The following STX2 variants were observed in gnomAD, a reference collection of about 807,000 sequenced individuals.
STX2 encodes syntaxin 2.
In STX2, 27 loss-of-function variants were observed where a neutral mutation model predicts 40.6. The ratio of observed to expected loss-of-function variants is 0.66; its 90% CI spans 0.49 to 0.92. The LOEUF (loss-of-function observed/expected upper bound fraction) is 0.92. Ranked by LOEUF, STX2 falls within the 40% of genes least tolerant of loss-of-function variation. The pLI is 0.00. For synonymous variants in STX2, 123 were observed against 119.1 expected, an observed-to-expected ratio of 1.03 and a Z score of -0.22; for missense variants, 328 against 366.1, an observed-to-expected ratio of 0.90 and a Z score of 0.85.
At chr12:130,808,565 G>T in intron 5 of STX2, 66 bp downstream of exon 5, 1 of 1,352,598 alleles carries the variant, frequency 7.4e-7, no homozygotes, top group Non-Finnish European at 1.0e-6. Context: ...TTCAGAGTCT[G>T]CAAGAAGAAA....
chr12:130,821,607 GC>G, intron 3 of STX2, 81 bp downstream of exon 3: 1 of 1,137,762 alleles, frequency 8.8e-7, no homozygotes, highest in Non-Finnish European at 1.3e-6. Flanking sequence ...CTCCCGTGAG[GC>G]CAGAGTTGAG....
chr12:130,794,616 C>T (rs538682798), intron 10 of STX2, among the ~76,000 whole-genome samples: 1 of 152,322 alleles, frequency 6.6e-6, no homozygotes, highest in Admixed American at 6.5e-5. Flanking sequence ...CCTGCCTCGG[C>T]CTCTGGCGTA....
intron 3 of STX2, among the ~76,000 whole-genome samples, chr12:130,818,170 C>CAAA (rs756794046): frequency 4.0e-4 from 20 of 49,846 alleles, no homozygotes; most frequent in South Asian, 2.0e-3. Context: ...GCTGTTTCTA[C>CAAA]AAAAAAAAAA....
intron 6 of STX2, among the ~76,000 whole-genome samples, chr12:130,806,618 C>T (rs1018935480): frequency 1.3e-5 from 2 of 152,174 alleles, no homozygotes; most frequent in African/African-American, 4.8e-5. Context: ...GCAATAGGGC[C>T]GCTGCCTCTG....
intron 9 of STX2, among the ~76,000 whole-genome samples, chr12:130,797,116 C>T (rs965439598): frequency 5.3e-5 from 8 of 152,198 alleles, no homozygotes; most frequent in East Asian, 1.9e-4. Context: ...CGCCAGCTAC[C>T]GCACAGACCC....
intron 2 of STX2, among the ~76,000 whole-genome samples, chr12:130,824,166 G>A (rs1022635134): frequency 1.3e-5 from 2 of 152,084 alleles, no homozygotes; most frequent in African/African-American, 2.4e-5. Context: ...AAGGCGGGCA[G>A]ATCACTTGAG....
chr12:130,807,058 G>C lies in STX2; in HGVS notation c.387C>G (p.Ala129=), dbSNP rs572307253. 287 of 1,614,218 alleles carry C rather than the reference G, an allele frequency of 1.8e-4. 6 individuals carry two copies. In the South Asian group the frequency reaches 2.3e-3, roughly 13 times the overall value. The part of the protein sequence containing the change: ...HSVLSRKFVE[A]MAEYNEAQTL... ...TCTGTGCCTCATTGTACTCCGCCAT[G>C]GCTTCCACAAACTTCCGAGACAGCA... Residue 129 remains alanine, a synonymous_variant, in exon 6 of 11, where the codon GCC becomes GCG. Transcript: ENST00000392373.
In STX2 at chr12:130,791,032, T is replaced by A. The variant is rs982513706; in HGVS notation, c.*991A>T. ...TTCCTATTTCACTCAAAAGGCCACA[T>A]TCAGTATATAAAAATGGGGTACATT... On this transcript the variant is annotated 3_prime_UTR_variant, in exon 11 of 11. Transcript: ENST00000392373. 6.6e-6 allele frequency: 1 copy of A among 152,420 alleles called. No homozygotes were observed. The highest frequency in any genetic ancestry group is 1.5e-5 in the Non-Finnish European group (1 of 68,030). The allele number at this position is 152,420 out of a possible 1,614,324, so 9.4% of individuals were successfully genotyped here.
chr12:130,833,297 C>T (rs1032206960), intron 1 of STX2, among the ~76,000 whole-genome samples: 3 of 109,650 alleles, frequency 2.7e-5, no homozygotes, highest in African/African-American at 7.5e-5. Flanking sequence ...AAGCACAAAA[C>T]GGCCACGACA....
At position 130,790,285 on chromosome 12, in the gene STX2, C is replaced by A. The variant is rs1284609790; in HGVS notation, c.*1738G>T. 1 of 152,178 alleles carries A rather than the reference C, an allele frequency of 6.6e-6. No homozygotes were observed. The highest frequency in any genetic ancestry group is 2.4e-5 in the African/African-American group (1 of 41,444). 9.4% of individuals were successfully genotyped at this position (152,178 alleles called of 1,614,324 possible). ...TCGGAATTGTGTTAAGTAAGGGACG[C>A]GGCTTCTGAGCCATTCAATATTCTC... On this transcript the variant is annotated 3_prime_UTR_variant, in exon 11 of 11. Coordinates refer to ENST00000392373, the MANE Select transcript of STX2 (RefSeq NM_194356.4).
chr12:130,818,257 G>A (rs1036017342), intron 3 of STX2, among the ~76,000 whole-genome samples: 7 of 140,704 alleles, frequency 5.0e-5, no homozygotes, highest in Admixed American at 1.4e-4. Flanking sequence ...TGTAATCCCA[G>A]CTACTCGGGA....
intron 4 of STX2, chr12:130,811,995 T>A (rs1170409294): frequency 5.3e-6 from 1 of 188,410 alleles, no homozygotes; most frequent in Non-Finnish European, 1.1e-5. Context: ...GCAGAGCCTA[T>A]TAAATGTGCT....
chr12:130,808,309 CT>C (rs796303992), intron 5 of STX2, among the ~76,000 whole-genome samples: 405 of 152,060 alleles, frequency 2.7e-3, no homozygotes, highest in African/African-American at 9.1e-3. Flanking sequence ...CACTTTTTCT[CT>C]TTTTTTTCCC....
rs557864764 is a variant in STX2, at chr12:130,809,243, G to A, written c.281-539C>T. 2.6e-5 allele frequency among the ~76,000 whole-genome samples: 4 copies of A among 151,648 alleles called. No individual in the cohort carries two copies. The South Asian group carries it at 8.3e-4, about 32-fold the overall frequency. ...ACACATATATACACAGATACACACA[G>A]ATATATATACACACATATATACAAA... On this transcript the variant is annotated intron_variant, in intron 4 of 10. Coordinates refer to ENST00000392373, the MANE Select transcript of STX2 (RefSeq NM_194356.4).
At chr12:130,806,958 A>C in intron 6 of STX2, 24 bp downstream of exon 6, 1 of 1,597,436 alleles carries the variant, frequency 6.3e-7, no homozygotes, top group Non-Finnish European at 8.6e-7. Context: ...TGATTTTAAC[A>C]AAGACGGAGT....
At chr12:130,812,919 C>T in intron 4 of STX2, 38 bp downstream of exon 4, 3 of 1,372,458 alleles carry the variant, frequency 2.2e-6, no homozygotes, top group Non-Finnish European at 3.0e-6. Flanking sequence ...TACCCATACT[C>T]CCAACATCAA....
chr12:130,792,013 T>TGTGGGGGTGCTGGGAGGCCTC, intron 10 of STX2, 36 bp from the exon 11 acceptor site: 1 of 1,425,496 alleles, frequency 7.0e-7, no homozygotes, highest in Non-Finnish European at 9.8e-7. Flanking sequence ...TTGCAATGTA[T>TGTGGGGGTGCTGGGAGGCCTC]CAAAGAAATC....
intron 1 of STX2, among the ~76,000 whole-genome samples, chr12:130,831,866 A>ATTTTTTTT (rs60003050): frequency 1.9e-5 from 2 of 106,626 alleles, no homozygotes; most frequent in African/African-American, 3.2e-5. Context: ...CACTTCTGCA[A>ATTTTTTTT]TTTTTTTTTT....
intron 6 of STX2, 56 bp downstream of exon 6, chr12:130,806,926 G>T: frequency 6.8e-7 from 1 of 1,474,870 alleles, no homozygotes; most frequent in South Asian, 1.1e-5. Context: ...CATTTGAAGT[G>T]AGACCTTAAG....
Sources: gnomAD v4.1 joint callset for allele counts (sites outside exome capture counted in the v4.1 genomes callset) on GRCh38, gnomAD v4.1.1 for gene constraint, MANE v1.5 for transcripts, NCBI Gene and HGNC (gene_info 2026-07-23, HGNC 2026-07-21) for gene names.